Variants in CYFIP2 observed in about 807,000 individuals in gnomAD.
The protein encoded by CYFIP2 is cytoplasmic FMR1 interacting protein 2.
A neutral mutation model predicts 158.7 loss-of-function variants in CYFIP2; 29 were observed. The ratio of observed to expected loss-of-function variants is 0.18; its 90% CI spans 0.14 to 0.25. CYFIP2 has a LOEUF of 0.25. Ranked by LOEUF, CYFIP2 falls within the 10% of genes least tolerant of loss-of-function variation. CYFIP2 has a pLI of 1.00. For synonymous variants in CYFIP2, 585 were observed against 617.6 expected (o/e 0.95, Z 0.78); for missense variants, 852 against 1,639.5 (o/e 0.52, Z 8.29).
intron 26 of CYFIP2, chr5:157,364,050 A>G (rs1764105750): frequency 6.6e-6 from 1 of 152,082 alleles, no homozygotes; most frequent in Admixed American, 6.5e-5. Flanking sequence ...TACCCCTTAA[A>G]TGGACTCTCC....
At chr5:157,386,927 TAAA>T (rs554742130) in intron 28 of CYFIP2, among the ~76,000 whole-genome samples, 248 of 132,426 alleles carry the variant, frequency 1.9e-3, no homozygotes, top group African/African-American at 3.1e-3. Context: ...CTCGAAGATT[TAAA>T]AAAAAAAAAA....
In CYFIP2 at chr5:157,393,361, C is replaced by T. The variant is rs1353849235; in HGVS notation, c.*361C>T. 5.4e-6 allele frequency: 1 copy of T among 186,198 alleles called. No individual in the cohort carries two copies. The highest frequency in any genetic ancestry group is 1.5e-4 in the East Asian group (1 of 6,650). 11.5% of individuals were successfully genotyped at this position (186,198 alleles called of 1,614,324 possible). The stretch of plus-strand genomic sequence containing the variant: ...AGACCTCCTCCCAAGATAGACATCT[C>T]CTACCCAGTGCCCTTGTGTGACCCC... On this transcript the variant is annotated 3_prime_UTR_variant, in exon 31 of 31. Transcript: ENST00000620254.
chr5:157,342,935 T>TC (rs747309879), intron 23 of CYFIP2: 1 of 1,614,210 alleles, frequency 6.2e-7, no homozygotes. Context: ...ATCAGGGGCA[T>TC]CCTGGTTGGC....
rs2113107327 is a variant in CYFIP2, at chr5:157,320,711, C to T, written c.1580C>T (p.Pro527Leu). The T allele has an allele frequency of 1.2e-6, 2 of 1,613,788 alleles. No homozygotes were observed. Among genetic ancestry groups the T allele is most frequent in the African/African-American group, 2.7e-5 (2 of 75,030 alleles). The change falls in exon 15 of 31, where the codon CCT (proline) becomes CTT (leucine). Residue 527 changes from proline to leucine, a missense_variant. Coordinates refer to ENST00000620254, the MANE Select transcript of CYFIP2 (RefSeq NM_001037333.3). ...ICDWEGGREP[P>L]NDPCLRGEKD... Reference sequence around the variant, plus strand: ...GACTGGGAGGGAGGGCGAGAGCCCCCTAATGACCCATGCTTGAGAGGGGAG... The same window carrying T: ...GACTGGGAGGGAGGGCGAGAGCCCCTTAATGACCCATGCTTGAGAGGGGAG...
chr5:157,307,987 A>G, intron 9 of CYFIP2, 122 bp downstream of exon 9: 3 of 621,934 alleles, frequency 4.8e-6, no homozygotes, highest in Non-Finnish European at 8.6e-6. Context: ...CTGTAGCTCC[A>G]AAGATCCCAA....
intron 28 of CYFIP2, among the ~76,000 whole-genome samples, chr5:157,384,029 C>T (rs1766392121): frequency 6.6e-6 from 1 of 152,040 alleles, no homozygotes; most frequent in South Asian, 2.1e-4. Flanking sequence ...ATGATGTCTA[C>T]CTAGTTTATC....
intron 29 of CYFIP2, 60 bp from the exon 30 acceptor site, chr5:157,390,461 T>C: frequency 3.4e-6 from 2 of 591,244 alleles, no homozygotes; most frequent in Non-Finnish European, 5.8e-6. Context: ...TGAGGCTCCC[T>C]CCCTCCCTGC....
chr5:157,351,629 C>A (rs1420117205), intron 23 of CYFIP2, among the ~76,000 whole-genome samples: 1 of 152,198 alleles, frequency 6.6e-6, no homozygotes, highest in African/African-American at 2.4e-5. Flanking sequence ...AAGGTCCTGG[C>A]AAACAATGGT....
chr5:157,374,141 A>G (rs1281686346), intron 26 of CYFIP2, among the ~76,000 whole-genome samples: 5 of 152,144 alleles, frequency 3.3e-5, no homozygotes, highest in African/African-American at 9.7e-5. Flanking sequence ...CTAGTTCACC[A>G]TGGCTGTCGA....
At chr5:157,322,379 T>C (rs1219944512) in intron 15 of CYFIP2, among the ~76,000 whole-genome samples, 1 of 152,200 alleles carries the variant, frequency 6.6e-6, no homozygotes, top group African/African-American at 2.4e-5. Flanking sequence ...AGAGACTGTT[T>C]TGGTGAATTA....
intron 19 of CYFIP2, among the ~76,000 whole-genome samples, chr5:157,329,647 C>T (rs1424072177): frequency 1.3e-5 from 2 of 152,212 alleles, no homozygotes; most frequent in African/African-American, 4.8e-5. Context: ...TTTAACCCCA[C>T]ATATCCAAAA....
intron 22 of CYFIP2, among the ~76,000 whole-genome samples, chr5:157,340,594 T>A (rs1200419474): frequency 6.6e-6 from 1 of 152,254 alleles, no homozygotes; most frequent in Non-Finnish European, 1.5e-5. Flanking sequence ...TTATTGGAAC[T>A]CGATCATGCT....
At chr5:157,293,393 T>C (rs896564731) in intron 3 of CYFIP2, among the ~76,000 whole-genome samples, 22 of 152,138 alleles carry the variant, frequency 1.4e-4, no homozygotes, top group African/African-American at 5.1e-4. Flanking sequence ...TTAGGTCTCT[T>C]TCCACAGCAG....
At chr5:157,371,073 A>G (rs947037028) in intron 26 of CYFIP2, among the ~76,000 whole-genome samples, 3 of 152,324 alleles carry the variant, frequency 2.0e-5, no homozygotes, top group Admixed American at 2.0e-4. Flanking sequence ...GGAGTCCCAA[A>G]TGAGGGCTGG....
At position 157,287,380 on chromosome 5, in the gene CYFIP2, A is replaced by G. The variant is rs777602957; in HGVS notation, c.207+272A>G. Among the ~76,000 whole-genome samples, 8 of 152,194 alleles carry G rather than the reference A, an allele frequency of 5.3e-5. No individual in the cohort carries two copies. In the South Asian group the frequency reaches 6.2e-4, roughly 12 times the overall value. On this transcript the variant is annotated intron_variant, in intron 3 of 30. Coordinates refer to ENST00000620254, the MANE Select transcript of CYFIP2 (RefSeq NM_001037333.3). ...ACTACTCACTTTCTTGAGCTCCTAT[A>G]GCTTTTTGGGTTAACATGTGATTGG...
chr5:157,311,112 T>TG lies in CYFIP2; in HGVS notation c.993-550dup. 7.5e-6 allele frequency: 1 copy of TG among 134,160 alleles called. No individual in the cohort carries two copies. The highest frequency in any genetic ancestry group is 1.4e-5 in the Non-Finnish European group (1 of 69,748). The allele number at this position is 134,160 out of a possible 1,614,324, so 8.3% of individuals were successfully genotyped here. ...GGGGGCGAGAGGTAGAGGGGGTGGGTGGAGGGAGGGGCCACCCCCACGTCT... is the reference window on the plus strand; with the variant it reads ...GGGGGCGAGAGGTAGAGGGGGTGGGTGGGAGGGAGGGGCCACCCCCACGTCT... On this transcript the variant is annotated intron_variant, in intron 10 of 30. Coordinates refer to ENST00000620254, the MANE Select transcript of CYFIP2 (RefSeq NM_001037333.3). This position sits in a 1 kb window ranked among gnomAD's most constrained non-coding sequence, Gnocchi z 4.7.
intron 28 of CYFIP2, 60 bp downstream of exon 28, chr5:157,383,419 C>A: frequency 6.8e-7 from 1 of 1,469,468 alleles, no homozygotes; most frequent in Non-Finnish European, 9.4e-7. Context: ...GAGCATTTGA[C>A]CAAACCCCCT....
intron 23 of CYFIP2, chr5:157,342,051 T>A (rs1238845998): frequency 2.0e-5 from 3 of 152,646 alleles, no homozygotes; most frequent in East Asian, 3.8e-4. Context: ...TATGTCTTTA[T>A]TACCTCTCCA....
At chr5:157,307,647 G>GTGTGTGTGTGTGTGTGTGTGTA in intron 8 of CYFIP2, 114 bp from the exon 9 acceptor site, 1 of 609,404 alleles carries the variant, frequency 1.6e-6, no homozygotes, top group Non-Finnish European at 3.0e-6. Context: ...GTGTGTGTGT[G>GTGTGTGTGTGTGTGTGTGTGTA]TGTGTGTGTA....
Sources: gnomAD v4.1 joint callset for allele counts (sites outside exome capture counted in the v4.1 genomes callset) on GRCh38, gnomAD v4.1.1 for gene constraint, Gnocchi (gnomAD v3.1) non-coding constraint, MANE v1.5 for transcripts, NCBI Gene and HGNC (gene_info 2026-07-23, HGNC 2026-07-21) for gene names.